VWA5B2: variants seen among roughly 807,000 people sequenced by gnomAD.
The protein encoded by VWA5B2 is von Willebrand factor A domain-containing protein 5B2.
VWA5B2 carries 93 observed loss-of-function variants against 118.5 expected under a neutral mutation model. The ratio of observed to expected loss-of-function variants is 0.79; its 90% confidence interval spans 0.66 to 0.93. The LOEUF is 0.93. Among genes scored for constraint, VWA5B2 ranks in the 40% least tolerant of loss-of-function variants. VWA5B2 has a pLI of 0.00. For missense variants in VWA5B2, 1,546 were observed against 1,672.8 expected (o/e 0.92, Z 1.32); for synonymous variants, 708 against 716.3 (o/e 0.99, Z 0.19).
chr3:184,242,099 A>T lies in VWA5B2; in HGVS notation c.*61A>T. On this transcript the variant is annotated 3_prime_UTR_variant, in exon 20 of 20. Transcript: ENST00000691901. ...CAACACACTCAAGTCACTGCCGCCC[A>T]GGGCTGGCCTCTTGGTGCTGGGAAA... 3 of 1,527,670 alleles carry T rather than the reference A, an allele frequency of 2.0e-6. No individual in the cohort carries two copies. Among genetic ancestry groups the T allele is most frequent in the East Asian group, 2.4e-5 (1 of 40,826 alleles). 94.6% of individuals were successfully genotyped at this position (1,527,670 alleles called of 1,614,324 possible).
Position 184,238,124 on chromosome 3 carries a change from C to A in VWA5B2, c.1720-179C>A, listed in dbSNP as rs1465504610. Among the ~76,000 whole-genome samples the A allele has an allele frequency of 2.0e-5, 3 of 151,944 alleles. No individual in the cohort carries two copies. The highest frequency in any genetic ancestry group is 1.5e-5 in the Non-Finnish European group (1 of 68,006). ...GCTCAGGGCCAAACTTAAAGCTCAG[C>A]TTCCCAGCAGCTCTATTAACCCTTA... On this transcript the variant is annotated intron_variant, in intron 12 of 19. Coordinates refer to ENST00000691901, the MANE Select transcript of VWA5B2 (RefSeq NM_001390846.1). The surrounding 1 kb of genome is among the most constrained non-coding windows in gnomAD (Gnocchi z 5.0).
rs1014327832 is a variant in VWA5B2, at chr3:184,230,639, C to T, written c.111C>T (p.Tyr37=). ...PCLSVRARLT[Y]RNPQPQPVDG... Reference sequence around the variant, plus strand: ...TCAGCGTGCGGGCCCGGCTCACCTACCGCAACCCGCAGCCGCAGCCGGTGG... The same window carrying T: ...TCAGCGTGCGGGCCCGGCTCACCTATCGCAACCCGCAGCCGCAGCCGGTGG... Residue 37 remains tyrosine, a synonymous_variant, in exon 2 of 20, where the codon TAC becomes TAT. Transcript: ENST00000691901. 37 of 1,356,208 alleles carry T rather than the reference C, an allele frequency of 2.7e-5. No homozygotes were observed. The highest frequency in any genetic ancestry group is 1.1e-4 in the Admixed American group (3 of 27,984). 84.0% of individuals were successfully genotyped at this position (1,356,208 alleles called of 1,614,324 possible). A position where few individuals can be genotyped will look rare whatever the true frequency, so the allele number is the denominator to read the frequency against.
Position 184,230,830 on chromosome 3 carries a change from C to A in VWA5B2, c.223C>A (p.Leu75Met). 2 of 1,254,958 alleles carry A rather than the reference C, an allele frequency of 1.6e-6. No homozygotes were observed. Among genetic ancestry groups the A allele is most frequent in the South Asian group, 2.9e-5 (1 of 34,148 alleles). The allele number at this position is 1,254,958 out of a possible 1,614,324, so 77.7% of individuals were successfully genotyped here. Residue 75 changes from leucine to methionine, a missense_variant, in exon 3 of 20, where the codon CTG (leucine) becomes ATG (methionine). Leu to Met is a conservative substitution (Grantham distance 15). This residue lies in a region of VWA5B2 where 775 missense variants were observed against 882.3 expected (regional missense o/e 0.88). Coordinates refer to ENST00000691901, the MANE Select transcript of VWA5B2 (RefSeq NM_001390846.1). ...CGCCGGACGGCGCGTCTCCTTCCAG[C>A]TGCAGAGCCGGCGCCGCTCGCAGGC... The part of the protein sequence containing the change: ...EAAGRRVSFQ[L>M]QSRRRSQAAC...
chr3:184,231,625 G>C (rs1235035376), intron 3 of VWA5B2, among the ~76,000 whole-genome samples: 1 of 152,180 alleles, frequency 6.6e-6, no homozygotes, highest in Non-Finnish European at 1.5e-5. Context: ...CTGTCTCCCC[G>C]CTGGAGCATC....
At position 184,234,613 on chromosome 3, in the gene VWA5B2, T is replaced by A; in HGVS notation, c.821-18T>A. ...GAGGCAGGGCCTTCCTTGACAGAAT[T>A]GTGTCCTCTCCTCTCAGAGCCCCAT... On this transcript the variant is annotated intron_variant, in intron 6 of 19. Coordinates refer to ENST00000691901, the MANE Select transcript of VWA5B2 (RefSeq NM_001390846.1). The A allele has an allele frequency of 1.3e-6, 2 of 1,550,536 alleles. No individual in the cohort carries two copies. The highest frequency in any genetic ancestry group is 4.9e-5 in the East Asian group (2 of 40,918).
At position 184,242,060 on chromosome 3, in the gene VWA5B2, G is replaced by T. The variant is rs200329431; in HGVS notation, c.*22G>T. ...GTGAAGGCTGCCCCCTGCTGCTTGG[G>T]CTGGCGCCCCACCCAACACACTCAA... is the stretch of plus-strand genomic sequence containing the variant. On this transcript the variant is annotated 3_prime_UTR_variant, in exon 20 of 20. Coordinates refer to ENST00000691901, the MANE Select transcript of VWA5B2 (RefSeq NM_001390846.1). 2 of 1,545,622 alleles carry T rather than the reference G, an allele frequency of 1.3e-6. No individual in the cohort carries two copies. Among genetic ancestry groups the T allele is most frequent in the Admixed American group, 3.9e-5 (2 of 50,954 alleles).
Position 184,240,870 on chromosome 3 carries a change from A to T in VWA5B2, c.2820A>T (p.Val940=), listed in dbSNP as rs1429581002. ...SSAPSCFTCP[V]AVDATTREVL... is the part of the protein sequence containing the mutation. ...CCCCCTCCTGCTTCACTTGCCCTGTAGCTGTGGATGCTACTACTAGGGAGG... is the reference window on the plus strand; with the variant it reads ...CCCCCTCCTGCTTCACTTGCCCTGTTGCTGTGGATGCTACTACTAGGGAGG... Residue 940 remains valine (V), a synonymous_variant, in exon 17 of 20, where the codon GTA becomes GTT. Coordinates refer to ENST00000691901, the MANE Select transcript of VWA5B2 (RefSeq NM_001390846.1). 6.4e-7 allele frequency: 1 copy of T among 1,551,626 alleles called. No homozygotes were observed. The highest frequency in any genetic ancestry group is 8.7e-7 in the Non-Finnish European group (1 of 1,146,962).
rs953038338 is a variant in VWA5B2 at position 184,233,693 on chromosome 3, C to T, written c.648C>T (p.Phe216=). The T allele has an allele frequency of 3.9e-6, 6 of 1,551,098 alleles. No individual in the cohort carries two copies. The highest frequency in any genetic ancestry group is 4.4e-6 in the Non-Finnish European group (5 of 1,147,014). ...GPARCPAPYT[F]SFEMLVTGPC... The stretch of plus-strand genomic sequence containing the variant: ...CCCGCTGCCCTGCCCCATATACCTT[C>T]TCCTTCGAGATGCTGGTGACTGGGC... The change falls in exon 5 of 20, where the codon TTC becomes TTT. Residue 216 remains phenylalanine, a synonymous_variant. Transcript: ENST00000691901. The surrounding 1 kb of genome is among the most constrained non-coding windows in gnomAD (Gnocchi z 5.2).
In VWA5B2 at chr3:184,241,325, G is replaced by A. The variant is rs893500846; in HGVS notation, c.3101G>A (p.Gly1034Asp). The A allele has an allele frequency of 1.3e-6, 2 of 1,551,220 alleles. No homozygotes were observed. Among genetic ancestry groups the A allele is most frequent in the African/African-American group, 2.7e-5 (2 of 73,068 alleles). The change falls in exon 19 of 20, where the codon GGC becomes GAC. Residue 1034 changes from glycine (G) to aspartate (D), a missense_variant. By Grantham distance (94) the Gly-to-Asp change is moderately conservative. Around this residue, in one of 3 missense-constraint regions of VWA5B2, gnomAD observed 763 missense variants for 766.6 expected, o/e 1.00. Transcript: ENST00000691901. This position sits in a 1 kb window ranked among gnomAD's most constrained non-coding sequence, Gnocchi z 5.1. ...PPRPPCRLSMGRRHKLCSPDP... is the reference protein window; with the variant it reads ...PPRPPCRLSMDRRHKLCSPDP... ...CGTCCTCCCTGTCGGCTCAGCATGG[G>A]CCGCCGTCACAAACTCTGTAGCCCT...
In VWA5B2 at chr3:184,229,713, G is replaced by C. The variant is rs1717174782; in HGVS notation, c.-150G>C. ...CCTAGAACTCCGCGGAGGGCGCGAC[G>C]GTGAGGCTGAGACTGCCACAGGGAG... On this transcript the variant is annotated splice_region_variant and 5_prime_UTR_variant, in exon 1 of 20. Transcript: ENST00000691901. Among the ~76,000 whole-genome samples, 1 of 152,142 alleles carries C rather than the reference G, an allele frequency of 6.6e-6. No homozygotes were observed. The highest frequency in any genetic ancestry group is 6.5e-5 in the Admixed American group (1 of 15,292).
In VWA5B2 at chr3:184,234,258, T is replaced by C; in HGVS notation, c.689-8T>C. The C allele has an allele frequency of 6.4e-7, 1 of 1,551,424 alleles. No homozygotes were observed. The highest frequency in any genetic ancestry group is 8.7e-7 in the Non-Finnish European group (1 of 1,146,836). On this transcript the variant is annotated splice_polypyrimidine_tract_variant and splice_region_variant and intron_variant, in intron 5 of 19. Transcript: ENST00000691901. ...TACATCTCCCCTTCCTGCCTCTATG[T>C]CCCTCAGGCCTGGAGAGCCCCTCTC... is the stretch of plus-strand genomic sequence containing the variant.
chr3:184,231,372 T>C (rs1410608838), intron 3 of VWA5B2, among the ~76,000 whole-genome samples: 1 of 152,146 alleles, frequency 6.6e-6, no homozygotes, highest in Non-Finnish European at 1.5e-5. Flanking sequence ...AGCGACCCCA[T>C]ACACCAGGTA....
rs1262170188 is a variant in VWA5B2, at chr3:184,230,560, C to T, written c.32C>T (p.Thr11Met). The T allele has an allele frequency of 6.8e-7, 1 of 1,479,860 alleles. No homozygotes were observed. Among genetic ancestry groups the T allele is most frequent in the Non-Finnish European group, 8.9e-7 (1 of 1,123,230 alleles). 91.7% of individuals were successfully genotyped at this position (1,479,860 alleles called of 1,614,324 possible). A position where few individuals can be genotyped will look rare whatever the true frequency, so the allele number is the denominator to read the frequency against. Residue 11 changes from threonine to methionine, a missense_variant, in exon 2 of 20, where the codon ACG (threonine) becomes ATG (methionine). Physicochemically the swap from Thr to Met is moderately conservative, Grantham distance 81. Coordinates refer to ENST00000691901, the MANE Select transcript of VWA5B2 (RefSeq NM_001390846.1). The part of the protein sequence containing the change: MPGLYCPSSW[T>M]PLPLTDSWVR... ...GGCCTGTACTGCCCCTCCAGCTGGA[C>T]GCCGCTGCCGCTCACGGACTCCTGG...
rs1176319316 is a variant in VWA5B2 at position 184,233,591 on chromosome 3, C to T, written c.546C>T (p.Phe182=). The change falls in exon 5 of 20, where the codon TTC becomes TTT. Residue 182 remains phenylalanine, a synonymous_variant. Coordinates refer to ENST00000691901, the MANE Select transcript of VWA5B2 (RefSeq NM_001390846.1). This position sits in a 1 kb window ranked among gnomAD's most constrained non-coding sequence, Gnocchi z 5.2. ...TCCCTTCCAGCCCCACCAGCTGCTT[C>T]GGGGTGGGCAGCCTTCAGGAGGAAG... The part of the protein sequence containing the change: ...GLCDDSPTSC[F]GVGSLQEEGL... The T allele has an allele frequency of 7.7e-6, 12 of 1,550,608 alleles. No homozygotes were observed. Among genetic ancestry groups the T allele is most frequent in the South Asian group, 4.8e-5 (4 of 83,954 alleles).
At chr3:184,235,793 C>A (rs1214752308) in intron 8 of VWA5B2, among the ~76,000 whole-genome samples, 1 of 151,932 alleles carries the variant, frequency 6.6e-6, no homozygotes, top group Non-Finnish European at 1.5e-5. Context: ...CAGAGTCCCA[C>A]ACACAGTCAT....
In VWA5B2 at chr3:184,237,431, TGGTAGGGGGGCTAGGGTGA is replaced by T. The variant is rs1288533455; in HGVS notation, c.1719+32_1719+50del. 3 of 1,536,146 alleles carry T rather than the reference TGGTAGGGGGGCTAGGGTGA, an allele frequency of 2.0e-6. No individual in the cohort carries two copies. Among genetic ancestry groups the T allele is most frequent in the Non-Finnish European group, 2.6e-6 (3 of 1,136,544 alleles). ...CCAGGGGTAAGCTTGGGCTGGGGTG[TGGTAGGGGGGCTAGGGTGA>T]GGTAGGGGGGCCTGGGATGGCTGAA... On this transcript the variant is annotated intron_variant, in intron 12 of 19. Transcript: ENST00000691901. The surrounding 1 kb of genome is among the most constrained non-coding windows in gnomAD (Gnocchi z 5.6).
At chr3:184,234,543 C>G in intron 6 of VWA5B2, 88 bp from the exon 7 acceptor site, 5 of 1,521,676 alleles carry the variant, frequency 3.3e-6, no homozygotes, top group Non-Finnish European at 4.4e-6. Context: ...GAAGGCTGGA[C>G]CTGCAGGCTC....
chr3:184,241,850 G>A lies in VWA5B2; in HGVS notation c.3541G>A (p.Ala1181Thr), dbSNP rs746536838. ...ACTCGCCTGGCTGGAGCACCGATGCGCCGCTGCCTTCGACGAGTGGGAACT... is the reference window on the plus strand; with the variant it reads ...ACTCGCCTGGCTGGAGCACCGATGCACCGCTGCCTTCGACGAGTGGGAACT... ...VALAWLEHRCAAAFDEWELTA... is the reference protein window; with the variant it reads ...VALAWLEHRCTAAFDEWELTA... The change falls in exon 20 of 20, where the codon GCC becomes ACC. Residue 1181 changes from alanine (A) to threonine (T), a missense_variant. Physicochemically the swap from Ala to Thr is moderately conservative, Grantham distance 58. This residue lies in a region of VWA5B2 where 763 missense variants were observed against 766.6 expected (regional missense o/e 1.00). Coordinates refer to ENST00000691901, the MANE Select transcript of VWA5B2 (RefSeq NM_001390846.1). This position sits in a 1 kb window ranked among gnomAD's most constrained non-coding sequence, Gnocchi z 5.1. The A allele has an allele frequency of 1.0e-5, 16 of 1,540,118 alleles. No homozygotes were observed. The highest frequency in any genetic ancestry group is 7.2e-5 in the South Asian group (6 of 83,436).
In VWA5B2 at chr3:184,230,868, C is replaced by T; in HGVS notation, c.261C>T (p.Arg87=). 8.1e-7 allele frequency: 1 copy of T among 1,240,156 alleles called. No individual in the cohort carries two copies. The highest frequency in any genetic ancestry group is 1.0e-6 in the Non-Finnish European group (1 of 992,962). The allele number at this position is 1,240,156 out of a possible 1,614,324, so 76.8% of individuals were successfully genotyped here. The change falls in exon 3 of 20, where the codon CGC becomes CGT. Residue 87 remains arginine, a synonymous_variant. Coordinates refer to ENST00000691901, the MANE Select transcript of VWA5B2 (RefSeq NM_001390846.1). The part of the protein sequence containing the change: ...SRRRSQAACC[R]ALGPGLGTPT... ...GCCGCTCGCAGGCCGCCTGCTGCCG[C>T]GCTCTGGGCCCGGGGCTGGGGACCC...
Sources: gnomAD v4.1 joint callset for allele counts (sites outside exome capture counted in the v4.1 genomes callset) on GRCh38, gnomAD v4.1.1 for gene constraint, gnomAD v4.1.1 regional missense constraint, Gnocchi (gnomAD v3.1) non-coding constraint, MANE v1.5 for transcripts, NCBI Gene and HGNC (gene_info 2026-07-23, HGNC 2026-07-21) for gene names.